Variants in ZNF526 observed in about 807,000 individuals in gnomAD.
The protein encoded by ZNF526 is zinc finger protein 526.
Under a neutral mutation model 32.4 loss-of-function variants are expected in ZNF526, and 16 were observed. The observed-to-expected ratio is 0.49, with a 90% CI of 0.33 to 0.75. ZNF526 has a LOEUF of 0.75. Ranked by LOEUF, ZNF526 falls within the 30% of genes least tolerant of loss-of-function variation. ZNF526 has a pLI of 0.02. For synonymous variants in ZNF526, 355 were observed against 363.4 expected (o/e 0.98, Z 0.26); for missense variants, 838 against 920.7 (o/e 0.91, Z 1.16).
intron 1 of ZNF526, among the ~76,000 whole-genome samples, chr19:42,224,008 A>C (rs1431779924): frequency 7.7e-6 from 1 of 130,158 alleles, no homozygotes; most frequent in African/African-American, 2.8e-5. Context: ...TATATACAAA[A>C]ATTAGCCAGG....
intron 1 of ZNF526, chr19:42,220,700 G>T (rs2036113286): frequency 6.6e-6 from 1 of 152,166 alleles, no homozygotes; most frequent in African/African-American, 2.4e-5. Context: ...TTCCTTCCTG[G>T]AAAGACTTAC....
At chr19:42,223,445 T>A (rs1377785800) in intron 1 of ZNF526, among the ~76,000 whole-genome samples, 1 of 152,116 alleles carries the variant, frequency 6.6e-6, no homozygotes, top group Non-Finnish European at 1.5e-5. Flanking sequence ...ATTGAGATTG[T>A]CCTGGCTAAC....
intron 1 of ZNF526, among the ~76,000 whole-genome samples, chr19:42,222,036 G>A (rs2036129775): frequency 6.6e-6 from 1 of 151,842 alleles, no homozygotes; most frequent in African/African-American, 2.4e-5. Context: ...GTGCTTCAGT[G>A]ATGTGCAGGC....
In ZNF526 at chr19:42,226,389, C is replaced by G. The variant is rs761862051; in HGVS notation, c.1986C>G (p.Leu662=). Residue 662 remains leucine (L), a synonymous_variant, in exon 3 of 3, where the codon CTC becomes CTG. Transcript: ENST00000301215. ...AALGASEAGG[L]LQLDTAFV ...TGGGGGCCAGTGAAGCAGGCGGGCT[C>G]TTGCAGTTGGACACGGCCTTCGTGT... 1 of 1,614,244 alleles carries G rather than the reference C, an allele frequency of 6.2e-7. No homozygotes were observed. Among genetic ancestry groups the G allele is most frequent in the Admixed American group, 1.7e-5 (1 of 60,034 alleles).
At chr19:42,222,647 C>G (rs916686644) in intron 1 of ZNF526, among the ~76,000 whole-genome samples, 4 of 152,140 alleles carry the variant, frequency 2.6e-5, no homozygotes, top group Non-Finnish European at 4.4e-5. Context: ...CCTGTCCCTG[C>G]TCAGAGGTTT....
At position 42,225,305 on chromosome 19, in the gene ZNF526, C is replaced by T; in HGVS notation, c.902C>T (p.Ala301Val). ...HRRTAHSPAS[A>V]THPFHCSQCQ... ...CGGACGGCTCACAGCCCGGCATCTG[C>T]CACCCACCCCTTCCACTGCAGCCAG... The change falls in exon 3 of 3, where the codon GCC (alanine) becomes GTC (valine). Residue 301 changes from alanine (A) to valine (V), a missense_variant. Coordinates refer to ENST00000301215, the MANE Select transcript of ZNF526 (RefSeq NM_133444.3). 2 of 1,612,516 alleles carry T rather than the reference C, an allele frequency of 1.2e-6. No homozygotes were observed. Among genetic ancestry groups the T allele is most frequent in the Non-Finnish European group, 1.7e-6 (2 of 1,179,024 alleles).
At chr19:42,223,090 T>G (rs2146927807) in intron 1 of ZNF526, among the ~76,000 whole-genome samples, 1 of 152,286 alleles carries the variant, frequency 6.6e-6, no homozygotes, top group South Asian at 2.1e-4. Context: ...TTTTAAACAC[T>G]TGGGTGTATC....
At position 42,224,222 on chromosome 19, in the gene ZNF526, T is replaced by G. The variant is rs1599802721; in HGVS notation, c.-101T>G. The G allele has an allele frequency of 2.9e-5, 17 of 595,910 alleles. No individual in the cohort carries two copies. Among genetic ancestry groups the G allele is most frequent in the East Asian group, 6.3e-5 (2 of 31,758 alleles). The allele number at this position is 595,910 out of a possible 1,614,324, so 36.9% of individuals were successfully genotyped here. A position where few individuals can be genotyped will look rare whatever the true frequency, so the allele number is the denominator to read the frequency against. On this transcript the variant is annotated 5_prime_UTR_variant, in exon 2 of 3. Coordinates refer to ENST00000301215, the MANE Select transcript of ZNF526 (RefSeq NM_133444.3). ...GGTGTTTCTCTCCTGCAGGCTGCCG[T>G]GGGGTGTGTGTAGGCTTCAGAGACA...
In ZNF526 at chr19:42,225,524, CGTT is replaced by C; in HGVS notation, c.1123_1125del (p.Leu375del). 6.2e-7 allele frequency: 1 copy of C among 1,612,528 alleles called. No homozygotes were observed. Among genetic ancestry groups the C allele is most frequent in the Non-Finnish European group, 8.5e-7 (1 of 1,178,664 alleles). On this transcript the variant is annotated inframe_deletion, in exon 3 of 3. Transcript: ENST00000301215. ...GGCCGCGGCTTTGGCACAGAACTCACGTTGGTGGCTCACCGGCGGGCCCACACT... is the reference window on the plus strand; with the variant it reads ...GGCCGCGGCTTTGGCACAGAACTCACGGTGGCTCACCGGCGGGCCCACACT...
Position 42,225,331 on chromosome 19 carries a change from T to C in ZNF526, c.928T>C (p.Cys310Arg). 2 of 1,613,704 alleles carry C rather than the reference T, an allele frequency of 1.2e-6. No homozygotes were observed. Among genetic ancestry groups the C allele is most frequent in the Non-Finnish European group, 1.7e-6 (2 of 1,179,816 alleles). Residue 310 changes from cysteine to arginine, a missense_variant, in exon 3 of 3, where the codon TGT becomes CGT. Coordinates refer to ENST00000301215, the MANE Select transcript of ZNF526 (RefSeq NM_133444.3). ...SATHPFHCSQ[C>R]QRSFSSANRL... ...CACCCACCCCTTCCACTGCAGCCAG[T>C]GTCAGCGCAGTTTCAGCTCCGCCAA...
chr19:42,225,189 G>A lies in ZNF526; in HGVS notation c.786G>A (p.Val262=), dbSNP rs770578605. ...EAMAEVGDDA[V]GGDESTAGWA... is the part of the protein sequence containing the mutation. ...TGGCAGAGGTCGGTGATGATGCTGT[G>A]GGAGGTGACGAGTCCACAGCTGGCT... The change falls in exon 3 of 3, where the codon GTG becomes GTA. Residue 262 remains valine (V), a synonymous_variant. Transcript: ENST00000301215. The A allele has an allele frequency of 6.2e-7, 1 of 1,614,118 alleles. No homozygotes were observed. The highest frequency in any genetic ancestry group is 2.2e-5 in the East Asian group (1 of 44,898).
chr19:42,224,509 G>C lies in ZNF526; in HGVS notation c.106G>C (p.Glu36Gln). 3 of 1,614,230 alleles carry C rather than the reference G, an allele frequency of 1.9e-6. No individual in the cohort carries two copies. The highest frequency in any genetic ancestry group is 2.5e-6 in the Non-Finnish European group (3 of 1,180,042). The change falls in exon 3 of 3, where the codon GAA (glutamate) becomes CAA (glutamine). Residue 36 changes from glutamate (E) to glutamine (Q), a missense_variant. Physicochemically the swap from Glu to Gln is conservative, Grantham distance 29. Transcript: ENST00000301215. ...GGCAGAGATGATGGAGATGTCAACA[G>C]AAGTGACTGAGATGACACCTGGGGA... is the stretch of plus-strand genomic sequence containing the variant. ...MSAEMMEMSTEVTEMTPGEAL... is the reference protein window; with the variant it reads ...MSAEMMEMSTQVTEMTPGEAL...
Position 42,227,833 on chromosome 19 carries a change from T to A in ZNF526, c.*1417T>A, listed in dbSNP as rs1430430334. On this transcript the variant is annotated 3_prime_UTR_variant, in exon 3 of 3. Transcript: ENST00000301215. ...TTGCAATCCCAGTGCTTTGGGAGAC[T>A]GAGGCAGGAGGATCACTTAAGGCCA... is the stretch of plus-strand genomic sequence containing the variant. 6.6e-6 allele frequency: 1 copy of A among 152,206 alleles called. No individual in the cohort carries two copies. The highest frequency in any genetic ancestry group is 1.5e-5 in the Non-Finnish European group (1 of 68,050). 9.4% of individuals were successfully genotyped at this position (152,206 alleles called of 1,614,324 possible).
In ZNF526 at chr19:42,225,633, C is replaced by T. The variant is rs777591558; in HGVS notation, c.1230C>T (p.Ala410=). The change falls in exon 3 of 3, where the codon GCC becomes GCT. Residue 410 remains alanine (A), a synonymous_variant. Transcript: ENST00000301215. ...TKFLYHRRTH[A]GKSGAPPTGA... ...TCCTCTACCACCGGCGCACTCACGC[C>T]GGCAAAAGCGGGGCACCTCCCACAG... 107 of 1,612,112 alleles carry T rather than the reference C, an allele frequency of 6.6e-5. No individual in the cohort carries two copies. Among genetic ancestry groups the T allele is most frequent in the Non-Finnish European group, 8.2e-5 (97 of 1,178,692 alleles).
At chr19:42,223,708 T>G (rs1281778693) in intron 1 of ZNF526, among the ~76,000 whole-genome samples, 2 of 149,012 alleles carry the variant, frequency 1.3e-5, no homozygotes, top group East Asian at 4.0e-4. Flanking sequence ...TCCCAGCTAC[T>G]CGGGAGGCTG....
In ZNF526 at chr19:42,226,462, T is replaced by C; in HGVS notation, c.*46T>C. 4 of 1,613,432 alleles carry C rather than the reference T, an allele frequency of 2.5e-6. No homozygotes were observed. The highest frequency in any genetic ancestry group is 3.4e-6 in the Non-Finnish European group (4 of 1,179,728). On this transcript the variant is annotated 3_prime_UTR_variant, in exon 3 of 3. Transcript: ENST00000301215. ...AAAAGGGTTTGGTTGCAACAGCCAG[T>C]GTGGGTACCTCTGGGGAGAGAGGAC... is the stretch of plus-strand genomic sequence containing the variant.
chr19:42,224,519 A>T lies in ZNF526; in HGVS notation c.116A>T (p.Glu39Val). ...ATGGAGATGTCAACAGAAGTGACTG[A>T]GATGACACCTGGGGAGGCCCTTGCC... ...EMMEMSTEVT[E>V]MTPGEALASS... is the part of the protein sequence containing the mutation. The change falls in exon 3 of 3, where the codon GAG becomes GTG. Residue 39 changes from glutamate (E) to valine (V), a missense_variant. Glu to Val is a moderately radical substitution (Grantham distance 121). Transcript: ENST00000301215. The T allele has an allele frequency of 6.2e-7, 1 of 1,614,222 alleles. No individual in the cohort carries two copies.
chr19:42,225,793 G>T lies in ZNF526; in HGVS notation c.1390G>T (p.Val464Leu). The change falls in exon 3 of 3, where the codon GTA becomes TTA. Residue 464 changes from valine to leucine, a missense_variant. Transcript: ENST00000301215. ...CCGGCTGTCCCGGCACCGGCGTGCA[G>T]TACACGGGCCCCCTGAACGGCGTCA... ...ASRLSRHRRA[V>L]HGPPERRHRC... The T allele has an allele frequency of 1.9e-6, 3 of 1,613,558 alleles. No individual in the cohort carries two copies. Among genetic ancestry groups the T allele is most frequent in the Non-Finnish European group, 2.5e-6 (3 of 1,179,936 alleles).
chr19:42,226,289 G>A lies in ZNF526; in HGVS notation c.1886G>A (p.Gly629Glu). 3 of 1,614,160 alleles carry A rather than the reference G, an allele frequency of 1.9e-6. No individual in the cohort carries two copies. Among genetic ancestry groups the A allele is most frequent in the Non-Finnish European group, 2.5e-6 (3 of 1,180,042 alleles). ...PQQTIMCTEL[G>E]ETIAIIETSQ... ...CAGACTATCATGTGCACAGAGCTGG[G>A]GGAGACCATCGCCATCATTGAGACA... is the stretch of plus-strand genomic sequence containing the variant. Residue 629 changes from glycine (G) to glutamate (E), a missense_variant, in exon 3 of 3, where the codon GGG becomes GAG. Gly to Glu is a moderately conservative substitution (Grantham distance 98). Transcript: ENST00000301215.
Sources: gnomAD v4.1 joint callset for allele counts (sites outside exome capture counted in the v4.1 genomes callset) on GRCh38, gnomAD v4.1.1 for gene constraint, MANE v1.5 for transcripts, NCBI Gene and HGNC (gene_info 2026-07-23, HGNC 2026-07-21) for gene names.